TTC27: variants seen among roughly 807,000 people sequenced by gnomAD.
TTC27 encodes the protein tetratricopeptide repeat protein 27.
In TTC27, 79 loss-of-function variants were observed where a neutral mutation model predicts 115.9. That is an observed-to-expected ratio of 0.68 (90% CI 0.57 to 0.82). The LOEUF (loss-of-function observed/expected upper bound fraction) is 0.82. TTC27 is among the 40% of genes least tolerant of loss of function. TTC27 has a pLI of 0.00. For missense variants in TTC27, 1,054 were observed against 993.1 expected (o/e 1.06, Z -0.82); for synonymous variants, 401 against 356.0 (o/e 1.13, Z -1.42).
At chr2:32,747,155 C>T (rs1668859245) in intron 12 of TTC27, among the ~76,000 whole-genome samples, 1 of 152,100 alleles carries the variant, frequency 6.6e-6, no homozygotes, top group Non-Finnish European at 1.5e-5. Flanking sequence ...GTTCCTCATT[C>T]TTAAAAGAGT....
At chr2:32,728,381 C>A (rs1329385330) in intron 10 of TTC27, among the ~76,000 whole-genome samples, 1 of 152,028 alleles carries the variant, frequency 6.6e-6, no homozygotes, top group African/African-American at 2.4e-5. Flanking sequence ...CCTGTAATCA[C>A]AAAAAGAGGA....
At chr2:32,774,058 G>A (rs577304649) in intron 13 of TTC27, among the ~76,000 whole-genome samples, 3 of 152,198 alleles carry the variant, frequency 2.0e-5, no homozygotes, top group African/African-American at 2.4e-5. Flanking sequence ...CAAAGACTTG[G>A]TGTGAAAAAG....
chr2:32,803,516 G>C (rs1030984176), intron 16 of TTC27, among the ~76,000 whole-genome samples: 1 of 152,082 alleles, frequency 6.6e-6, no homozygotes, highest in African/African-American at 2.4e-5. Flanking sequence ...ACCATATTAG[G>C]ATCCAACCCA....
At chr2:32,698,980 A>G (rs938269098) in intron 9 of TTC27, among the ~76,000 whole-genome samples, 1 of 152,110 alleles carries the variant, frequency 6.6e-6, no homozygotes, top group Non-Finnish European at 1.5e-5. Context: ...CCCAAAAAAG[A>G]ATCTATTAGG....
chr2:32,794,275 A>G (rs1415484022), intron 16 of TTC27, among the ~76,000 whole-genome samples: 1 of 152,200 alleles, frequency 6.6e-6, no homozygotes, highest in East Asian at 1.9e-4. Flanking sequence ...CCCAGGATGA[A>G]ATTACAAATC....
chr2:32,643,247 T>C lies in TTC27; in HGVS notation c.537+2837T>C, dbSNP rs573315780. ...GTAAAAAATTTTTCCCCTAAGTAAG[T>C]TGATCTGAGTTAAATGGTCTTAAAG... On this transcript the variant is annotated intron_variant, in intron 4 of 19. Transcript: ENST00000317907. 2.6e-5 allele frequency among the ~76,000 whole-genome samples: 4 copies of C among 152,326 alleles called. No homozygotes were observed. The East Asian group carries it at 5.8e-4, about 22-fold the overall frequency.
At chr2:32,718,724 C>T (rs911105799) in intron 10 of TTC27, among the ~76,000 whole-genome samples, 1 of 152,142 alleles carries the variant, frequency 6.6e-6, no homozygotes. Flanking sequence ...GAAGGCAGGG[C>T]TGACTGCAGA....
chr2:32,766,399 CT>C, intron 13 of TTC27: 2 of 284,536 alleles, frequency 7.0e-6, no homozygotes, highest in South Asian at 3.3e-5. Flanking sequence ...GTGACTCTTC[CT>C]TTTACTTGAA....
At chr2:32,751,296 A>ATG (rs1483641168) in intron 12 of TTC27, among the ~76,000 whole-genome samples, 1 of 150,586 alleles carries the variant, frequency 6.6e-6, no homozygotes, top group Non-Finnish European at 1.5e-5. Flanking sequence ...ACACACACAC[A>ATG]CACACATGCA....
At chr2:32,664,251 A>T in intron 5 of TTC27, 52 bp from the exon 6 acceptor site, 2 of 1,483,518 alleles carry the variant, frequency 1.3e-6, no homozygotes, top group Non-Finnish European at 1.8e-6. Flanking sequence ...TTACACATTA[A>T]TATATTTTTC....
At chr2:32,679,065 T>G in intron 9 of TTC27, 143 bp downstream of exon 9, 1 of 643,354 alleles carries the variant, frequency 1.6e-6, no homozygotes, top group Non-Finnish European at 2.7e-6. Flanking sequence ...CTGTAGTTTC[T>G]AAGTCACATG....
chr2:32,641,160 G>A (rs900116703), intron 4 of TTC27, among the ~76,000 whole-genome samples: 8 of 152,124 alleles, frequency 5.3e-5, no homozygotes, highest in African/African-American at 1.9e-4. Flanking sequence ...ATTTAGTAAA[G>A]CATTTGTTAA....
At chr2:32,735,114 C>G (rs1007235068) in intron 11 of TTC27, among the ~76,000 whole-genome samples, 3 of 152,056 alleles carry the variant, frequency 2.0e-5, no homozygotes, top group Non-Finnish European at 4.4e-5. Context: ...GTTTAAAATC[C>G]CCATTATAAG....
chr2:32,756,959 G>A lies in TTC27; in HGVS notation c.1453-1333G>A, dbSNP rs555784607. 5.3e-5 allele frequency among the ~76,000 whole-genome samples: 8 copies of A among 152,316 alleles called. No homozygotes were observed. The South Asian group carries it at 1.7e-3, about 32-fold the overall frequency. The stretch of plus-strand genomic sequence containing the variant: ...CACAATTAGCCTGAGTGATGAGGTA[G>A]CTCCAAACTGTGGACATATGAGAAT... On this transcript the variant is annotated intron_variant, in intron 12 of 19. Coordinates refer to ENST00000317907, the MANE Select transcript of TTC27 (RefSeq NM_017735.5).
intron 5 of TTC27, among the ~76,000 whole-genome samples, chr2:32,663,641 TATGTATG>T (rs1559194014): frequency 1.2e-3 from 21 of 17,986 alleles, no homozygotes; most frequent in African/African-American, 2.2e-3. Flanking sequence ...CCTATTTATG[TATGTATG>T]TATGTATGTA....
chr2:32,659,783 G>A (rs567563939), intron 5 of TTC27, among the ~76,000 whole-genome samples: 36 of 152,182 alleles, frequency 2.4e-4, no homozygotes, highest in East Asian at 3.9e-4. Context: ...TTCTGTTCCC[G>A]TGTTAGTTTG....
intron 9 of TTC27, among the ~76,000 whole-genome samples, chr2:32,686,945 A>G (rs1666651724): frequency 6.6e-6 from 1 of 152,150 alleles, no homozygotes; most frequent in South Asian, 2.1e-4. Context: ...CCTGGGTTCA[A>G]GCAATTCCTG....
At chr2:32,762,958 C>G (rs1200584126) in intron 13 of TTC27, among the ~76,000 whole-genome samples, 2 of 152,060 alleles carry the variant, frequency 1.3e-5, no homozygotes, top group Admixed American at 1.3e-4. Context: ...TAGTTTTTAG[C>G]CATGGCAATT....
chr2:32,645,892 G>C (rs1454914479), intron 4 of TTC27, among the ~76,000 whole-genome samples: 1 of 150,970 alleles, frequency 6.6e-6, no homozygotes, highest in African/African-American at 2.4e-5. Context: ...AATTTTTTTT[G>C]TATTTTTCGG....
Sources: allele counts gnomAD v4.1 joint callset (sites outside exome capture counted in the v4.1 genomes callset), GRCh38; gene constraint gnomAD v4.1.1; transcripts MANE v1.5; gene names NCBI Gene and HGNC (gene_info 2026-07-23, HGNC 2026-07-21).